Variants in WWOX observed in about 807,000 individuals in gnomAD.
WWOX encodes the protein WW domain containing oxidoreductase, also known as WW domain-containing oxidoreductase.
WWOX carries 69 observed loss-of-function variants against 46.2 expected under a neutral mutation model. The ratio of observed to expected loss-of-function variants is 1.49; its 90% CI spans 1.23 to 1.82. WWOX has a LOEUF of 1.82. Ranked by LOEUF, WWOX falls within the 40% of genes most tolerant of loss-of-function variation. The pLI, the probability that WWOX is intolerant of heterozygous loss-of-function variation, is 0.00. For synonymous variants in WWOX, 359 were observed against 202.6 expected (o/e 1.77, Z -6.56); for missense variants, 919 against 542.6 (o/e 1.69, Z -6.89).
intron 8 of WWOX, among the ~76,000 whole-genome samples, chr16:78,719,807 A>C (rs183661213): frequency 1.9e-3 from 283 of 152,322 alleles, no homozygotes; most frequent in Non-Finnish European, 3.4e-3. Flanking sequence ...CTCTTATTAT[A>C]ACAAACACCA....
rs559380713 is a variant in WWOX at position 79,001,722 on chromosome 16, A to C, written c.1057-209886A>C. On this transcript the variant is annotated intron_variant, in intron 8 of 8. Transcript: ENST00000566780. Reference sequence around the variant, plus strand: ...CCTCAGGCATGAAGGGAGGGGAGAGAGGGGGAAATGTGGAGGAAGGGGGCG... The same window carrying C: ...CCTCAGGCATGAAGGGAGGGGAGAGCGGGGGAAATGTGGAGGAAGGGGGCG... Among the ~76,000 whole-genome samples the C allele has an allele frequency of 4.7e-5, 7 of 149,618 alleles. No homozygotes were observed. In the South Asian group the frequency reaches 1.5e-3, roughly 33 times the overall value.
At chr16:79,155,078 C>T (rs969706529) in intron 8 of WWOX, among the ~76,000 whole-genome samples, 2 of 152,326 alleles carry the variant, frequency 1.3e-5, no homozygotes, top group East Asian at 1.9e-4. Flanking sequence ...CACTGGCAAG[C>T]TTTTGCTTAA....
intron 8 of WWOX, among the ~76,000 whole-genome samples, chr16:78,492,275 G>A (rs1029764212): frequency 1.3e-5 from 2 of 152,192 alleles, no homozygotes; most frequent in African/African-American, 4.8e-5. Context: ...CATTCCGAAG[G>A]CGGGTGTGTA....
chr16:79,074,364 T>G (rs1325959824), intron 8 of WWOX, among the ~76,000 whole-genome samples: 1 of 146,908 alleles, frequency 6.8e-6, no homozygotes, highest in Non-Finnish European at 1.5e-5. Context: ...AAACCACCGT[T>G]GTCACTCAAA....
rs71384389 is a variant in WWOX at position 78,989,821 on chromosome 16, CGTGTGTGTGT to C, written c.1057-221761_1057-221752del. ...AAGTGAGACAGAGGTGGTGTGTGAG[CGTGTGTGTGT>C]GTGTGTGTGTGTGTGTGTGTGTGTG... On this transcript the variant is annotated intron_variant, in intron 8 of 8. Coordinates refer to ENST00000566780, the MANE Select transcript of WWOX (RefSeq NM_016373.4). 3.7e-5 allele frequency among the ~76,000 whole-genome samples: 5 copies of C among 136,506 alleles called. No homozygotes were observed. The South Asian group carries it at 1.3e-3, about 34-fold the overall frequency. 89.6% of individuals were successfully genotyped at this position (136,506 alleles called of 152,430 possible). A position where few individuals can be genotyped will look rare whatever the true frequency, so the allele number is the denominator to read the frequency against.
intron 8 of WWOX, among the ~76,000 whole-genome samples, chr16:78,567,650 C>A (rs892115777): frequency 8.6e-5 from 13 of 151,882 alleles, no homozygotes; most frequent in African/African-American, 3.1e-4. Flanking sequence ...AAAGGGTGCC[C>A]TTTGCTGCGT....
intron 8 of WWOX, among the ~76,000 whole-genome samples, chr16:79,002,147 A>G (rs888425695): frequency 1.3e-5 from 2 of 148,252 alleles, no homozygotes; most frequent in African/African-American, 5.0e-5. Flanking sequence ...ATGCAAGTGT[A>G]TCGACGTGCT....
At chr16:78,739,598 G>A (rs897162594) in intron 8 of WWOX, among the ~76,000 whole-genome samples, 2 of 152,126 alleles carry the variant, frequency 1.3e-5, no homozygotes, top group East Asian at 3.9e-4. Context: ...ATCACCTGAG[G>A]TTAGGAGTTC....
chr16:78,721,404 C>A, intron 8 of WWOX, among the ~76,000 whole-genome samples: 1 of 151,864 alleles, frequency 6.6e-6, no homozygotes, highest in Admixed American at 6.5e-5. Flanking sequence ...AACAATTATT[C>A]TTATTGTATG....
At chr16:78,178,297 G>A (rs148131456) in intron 5 of WWOX, among the ~76,000 whole-genome samples, 108 of 152,304 alleles carry the variant, frequency 7.1e-4, no homozygotes, top group African/African-American at 2.6e-3. Flanking sequence ...TTAAGTTGTT[G>A]CTGTTTTCAT....
chr16:78,586,185 TG>T (rs1435792734), intron 8 of WWOX, among the ~76,000 whole-genome samples: 3 of 152,186 alleles, frequency 2.0e-5, no homozygotes, highest in African/African-American at 7.2e-5. Flanking sequence ...AGCGAGACCC[TG>T]TTTCTTAAGA....
intron 8 of WWOX, among the ~76,000 whole-genome samples, chr16:79,172,802 G>C (rs1016803965): frequency 2.6e-5 from 4 of 151,904 alleles, no homozygotes; most frequent in African/African-American, 9.7e-5. Flanking sequence ...AAGATGAGAG[G>C]ATCACTTGAG....
chr16:78,341,678 C>G (rs1015305102), intron 5 of WWOX, among the ~76,000 whole-genome samples: 1 of 119,720 alleles, frequency 8.4e-6, no homozygotes, highest in Non-Finnish European at 2.0e-5. Flanking sequence ...GAAAGGTGAG[C>G]AAGAGCACAC....
intron 8 of WWOX, among the ~76,000 whole-genome samples, chr16:78,528,014 T>TTTTTTTTTTTTTTTTTTTC (rs2043521922): frequency 1.1e-5 from 1 of 94,484 alleles, no homozygotes; most frequent in Non-Finnish European, 2.5e-5. Flanking sequence ...TTTTTTTTTT[T>TTTTTTTTTTTTTTTTTTTC]TTGAGACGGA....
In WWOX at chr16:78,915,845, C is replaced by G. The variant is rs1243178954; in HGVS notation, c.1057-295763C>G. Among the ~76,000 whole-genome samples, 3 of 152,108 alleles carry G rather than the reference C, an allele frequency of 2.0e-5. No homozygotes were observed. In the East Asian group the frequency reaches 5.8e-4, roughly 29 times the overall value. On this transcript the variant is annotated intron_variant, in intron 8 of 8. Transcript: ENST00000566780. ...TCTTCCAATTTTTAATCTTGATCAC[C>G]ACAGCTTTATAACAGGAAGAACGCT...
At chr16:78,752,452 TA>T (rs1476750383) in intron 8 of WWOX, among the ~76,000 whole-genome samples, 2 of 152,180 alleles carry the variant, frequency 1.3e-5, no homozygotes, top group African/African-American at 4.8e-5. Context: ...CACACCTGGC[TA>T]ATTTTTGTAT....
At chr16:78,168,876 T>C (rs975210906) in intron 5 of WWOX, among the ~76,000 whole-genome samples, 4 of 152,224 alleles carry the variant, frequency 2.6e-5, no homozygotes, top group Non-Finnish European at 4.4e-5. Context: ...CTACTAATTA[T>C]TTCATGGGAA....
At chr16:79,100,217 C>G (rs931246359) in intron 8 of WWOX, among the ~76,000 whole-genome samples, 3 of 151,928 alleles carry the variant, frequency 2.0e-5, no homozygotes, top group African/African-American at 7.3e-5. Context: ...AATGGACCAT[C>G]CCAGGGTAGA....
chr16:78,827,232 G>A lies in WWOX; in HGVS notation c.1057-384376G>A, dbSNP rs193152560. Among the ~76,000 whole-genome samples the A allele has an allele frequency of 3.3e-5, 5 of 152,326 alleles. No homozygotes were observed. The East Asian group carries it at 7.7e-4, about 24-fold the overall frequency. On this transcript the variant is annotated intron_variant, in intron 8 of 8. Coordinates refer to ENST00000566780, the MANE Select transcript of WWOX (RefSeq NM_016373.4). ...CCTGAATGGCTGATCCTCTAAGACA[G>A]TGAGAGCAGATGTTAATTGCTCACT... is the stretch of plus-strand genomic sequence containing the variant.
Sources: gnomAD v4.1 joint callset for allele counts (sites outside exome capture counted in the v4.1 genomes callset) on GRCh38, gnomAD v4.1.1 for gene constraint, MANE v1.5 for transcripts, NCBI Gene and HGNC (gene_info 2026-07-23, HGNC 2026-07-21) for gene names.